C9: variants seen among roughly 807,000 people sequenced by gnomAD.
C9 encodes the protein complement C9, also known as complement component C9.
Under a neutral mutation model 65.4 loss-of-function variants are expected in C9, and 63 were observed. That is an observed-to-expected ratio of 0.96 (90% confidence interval 0.79 to 1.19). The LOEUF (loss-of-function observed/expected upper bound fraction) is 1.19. C9 is among the 50% of genes most tolerant of loss of function. The pLI, the probability that C9 is intolerant of heterozygous loss-of-function variation, is 0.00. For synonymous variants in C9, 229 were observed against 227.9 expected, an observed-to-expected ratio of 1.00 and a Z score of -0.04; for missense variants, 744 against 670.1, an observed-to-expected ratio of 1.11 and a Z score of -1.22.
intron 5 of C9, among the ~76,000 whole-genome samples, chr5:39,317,859 G>GTT (rs1167312556): frequency 0.01 from 1,484 of 146,952 alleles, 26 homozygotes; most frequent in African/African-American, 0.035. Context: ...TTTTAAAATG[G>GTT]TTTTTTTTTT....
In C9 at chr5:39,338,919, G is replaced by A. The variant is rs73078517; in HGVS notation, c.476+2227C>T. On this transcript the variant is annotated intron_variant, in intron 4 of 10. Transcript: ENST00000263408. ...TGAATGATTGTTTTTCAGCTAAATGGGCCAATATTTCTATATTCTTTTCCT... is the reference window on the plus strand; with the variant it reads ...TGAATGATTGTTTTTCAGCTAAATGAGCCAATATTTCTATATTCTTTTCCT... 5.1e-3 allele frequency among the ~76,000 whole-genome samples: 771 copies of A among 152,168 alleles called. 9 individuals carry two copies. The highest frequency in any genetic ancestry group is 0.017 in the African/African-American group (721 of 41,524).
At chr5:39,321,061 A>T (rs915211216) in intron 5 of C9, among the ~76,000 whole-genome samples, 1 of 152,086 alleles carries the variant, frequency 6.6e-6, no homozygotes, top group African/African-American at 2.4e-5. Context: ...AAGAATGATA[A>T]TTCATAACAT....
At chr5:39,327,634 A>C (rs1206198395) in intron 5 of C9, among the ~76,000 whole-genome samples, 1 of 152,104 alleles carries the variant, frequency 6.6e-6, no homozygotes, top group Non-Finnish European at 1.5e-5. Flanking sequence ...AGGTATGTTG[A>C]CTCTGTGACA....
chr5:39,289,804 T>C (rs987259274), intron 9 of C9, among the ~76,000 whole-genome samples: 2 of 151,768 alleles, frequency 1.3e-5, no homozygotes, highest in South Asian at 2.1e-4. Context: ...GTAAATTATA[T>C]CTCCATTTCC....
Position 39,331,699 on chromosome 5 carries a change from T to G in C9, c.592A>C (p.Asn198His). 6.2e-7 allele frequency: 1 copy of G among 1,614,056 alleles called. No individual in the cohort carries two copies. ...ACTTCATAGATCAAAGAAGCCACGT[T>G]CCAAGGTCTTCGGTAGTATGTCAGA... ...NTLTYYRRPWNVASLIYETKG... is the reference protein window; with the variant it reads ...NTLTYYRRPWHVASLIYETKG... The change falls in exon 5 of 11, where the codon AAC becomes CAC. Residue 198 changes from asparagine (N) to histidine (H), a missense_variant. Physicochemically the swap from Asn to His is moderately conservative, Grantham distance 68. Transcript: ENST00000263408.
intron 1 of C9, among the ~76,000 whole-genome samples, chr5:39,355,270 A>C (rs891369477): frequency 9.9e-5 from 15 of 152,178 alleles, no homozygotes; most frequent in African/African-American, 3.4e-4. Context: ...ACAGTCCATT[A>C]CTGGATAAAT....
chr5:39,360,669 A>G (rs929536589), intron 1 of C9, among the ~76,000 whole-genome samples: 2 of 152,180 alleles, frequency 1.3e-5, no homozygotes, highest in African/African-American at 4.8e-5. Flanking sequence ...AAACATATAT[A>G]TGGCCTTTCA....
intron 9 of C9, among the ~76,000 whole-genome samples, chr5:39,290,986 C>A (rs1393880205): frequency 6.6e-6 from 1 of 151,820 alleles, no homozygotes; most frequent in Non-Finnish European, 1.5e-5. Flanking sequence ...TTGAAATATA[C>A]AAAATTACCC....
intron 5 of C9, among the ~76,000 whole-genome samples, chr5:39,318,251 T>C (rs913199011): frequency 6.6e-6 from 1 of 152,214 alleles, no homozygotes; most frequent in African/African-American, 2.4e-5. Context: ...GCCTCTGGGC[T>C]GAGACAACGG....
At chr5:39,333,051 C>A (rs1250200060) in intron 4 of C9, among the ~76,000 whole-genome samples, 3 of 152,080 alleles carry the variant, frequency 2.0e-5, no homozygotes, top group Non-Finnish European at 2.9e-5. Context: ...CACCAAAATA[C>A]CTTTCATGAA....
At chr5:39,294,404 C>T (rs558423893) in intron 9 of C9, among the ~76,000 whole-genome samples, 2 of 151,586 alleles carry the variant, frequency 1.3e-5, no homozygotes, top group Admixed American at 6.6e-5. Context: ...ACCACAGAAA[C>T]ACAAAGGGTC....
intron 1 of C9, among the ~76,000 whole-genome samples, chr5:39,349,614 C>T (rs1754285028): frequency 6.6e-6 from 1 of 152,114 alleles, no homozygotes; most frequent in South Asian, 2.1e-4. Flanking sequence ...CTCTTGTTTC[C>T]TACATCCCAA....
intron 1 of C9, among the ~76,000 whole-genome samples, chr5:39,348,920 G>A (rs914760146): frequency 4.7e-5 from 7 of 147,786 alleles, no homozygotes; most frequent in Non-Finnish European, 7.4e-5. Flanking sequence ...CTATTGCAAG[G>A]ACGAAAAACC....
In C9 at chr5:39,334,555, C is replaced by T. The variant is rs834524; in HGVS notation, c.477-2741G>A. Among the ~76,000 whole-genome samples, 76 of 138,230 alleles carry T rather than the reference C, an allele frequency of 5.5e-4. 4 individuals are homozygous for T. The highest frequency in any genetic ancestry group is 2.4e-3 in the African/African-American group (69 of 29,148). The allele number at this position is 138,230 out of a possible 152,430, so 90.7% of individuals were successfully genotyped here. A position where few individuals can be genotyped will look rare whatever the true frequency, so the allele number is the denominator to read the frequency against. Reference sequence around the variant, plus strand: ...CCCCCGCCAGGCCAGCCGCCCCGTCCGGGAGGGAGGTGGGGGGGTCAGCCC... The same window carrying T: ...CCCCCGCCAGGCCAGCCGCCCCGTCTGGGAGGGAGGTGGGGGGGTCAGCCC... On this transcript the variant is annotated intron_variant, in intron 4 of 10. Coordinates refer to ENST00000263408, the MANE Select transcript of C9 (RefSeq NM_001737.5).
intron 5 of C9, among the ~76,000 whole-genome samples, chr5:39,317,765 G>A (rs1367979643): frequency 6.6e-6 from 1 of 152,116 alleles, no homozygotes; most frequent in Non-Finnish European, 1.5e-5. Flanking sequence ...ATAGTTCGAA[G>A]TCAGGCAGTG....
At chr5:39,363,984 A>G (rs1000760578) in intron 1 of C9, among the ~76,000 whole-genome samples, 6 of 152,216 alleles carry the variant, frequency 3.9e-5, no homozygotes, top group Admixed American at 3.9e-4. Context: ...CAAAAGGGTG[A>G]TGTATCCAAA....
Position 39,345,136 on chromosome 5 carries a change from T to A in C9, c.78-2940A>T, listed in dbSNP as rs187307487. Among the ~76,000 whole-genome samples the A allele has an allele frequency of 5.7e-4, 86 of 152,162 alleles. 1 individual carries two copies. Among genetic ancestry groups the A allele is most frequent in the African/African-American group, 1.9e-3 (80 of 41,544 alleles). On this transcript the variant is annotated intron_variant, in intron 1 of 10. Coordinates refer to ENST00000263408, the MANE Select transcript of C9 (RefSeq NM_001737.5). ...AACTAATGAGCAAAATAACCAGCTA[T>A]CATCATAATGACAGGATCAAATTCA...
intron 5 of C9, 26 bp from the exon 6 acceptor site, chr5:39,316,055 TA>T: frequency 6.3e-7 from 1 of 1,592,514 alleles, no homozygotes; most frequent in Non-Finnish European, 8.6e-7. Context: ...AAAGTGTTGT[TA>T]AAAACAAGAT....
At chr5:39,355,461 G>GT (rs3836793) in intron 1 of C9, among the ~76,000 whole-genome samples, 113,886 of 150,736 alleles carry the variant, frequency 0.76, 45,689 homozygotes, top group Non-Finnish European at 0.89. Flanking sequence ...ACTCCTTTTT[G>GT]TTTTTTTTTA....
Sources: gnomAD v4.1 joint callset for allele counts (sites outside exome capture counted in the v4.1 genomes callset) on GRCh38, gnomAD v4.1.1 for gene constraint, MANE v1.5 for transcripts, NCBI Gene and HGNC (gene_info 2026-07-23, HGNC 2026-07-21) for gene names.